ITFG1: variants seen among roughly 807,000 people sequenced by gnomAD.
The protein encoded by ITFG1 is integrin alpha FG-GAP repeat containing 1.
A neutral mutation model predicts 81.8 loss-of-function variants in ITFG1; 34 were observed. That is an observed-to-expected ratio of 0.42 (90% CI 0.32 to 0.55). ITFG1 has a LOEUF of 0.55. Ranked by LOEUF, ITFG1 falls within the 20% of genes least tolerant of loss-of-function variation. The pLI is 0.17. For missense variants in ITFG1, 672 were observed against 755.4 expected, an observed-to-expected ratio of 0.89 and a Z score of 1.29; for synonymous variants, 285 against 270.6, an observed-to-expected ratio of 1.05 and a Z score of -0.52.
In ITFG1 at chr16:47,460,929, G is replaced by A. The variant is rs758318640; in HGVS notation, c.117C>T (p.Ala39=). Residue 39 remains alanine (A), a synonymous_variant, in exon 1 of 18, where the codon GCC becomes GCT. Transcript: ENST00000320640. ...CCCAGGCCTCGGCCCCAAAGAGCTC[G>A]GCCGTGACGTTGTGCAGCGCCCGCG... is the stretch of plus-strand genomic sequence containing the variant. ...VPARALHNVT[A]ELFGAEAWGT... is the part of the protein sequence containing the mutation. The A allele has an allele frequency of 1.2e-6, 2 of 1,612,518 alleles. No homozygotes were observed. The highest frequency in any genetic ancestry group is 1.1e-5 in the South Asian group (1 of 90,900).
chr16:47,187,117 C>T (rs901396175), intron 14 of ITFG1, among the ~76,000 whole-genome samples: 1 of 152,010 alleles, frequency 6.6e-6, no homozygotes, highest in Admixed American at 6.6e-5. Context: ...AAAGAGGATA[C>T]AAACAAATGG....
At chr16:47,294,858 C>T (rs536003277) in intron 10 of ITFG1, among the ~76,000 whole-genome samples, 17 of 152,020 alleles carry the variant, frequency 1.1e-4, no homozygotes, top group African/African-American at 3.9e-4. Flanking sequence ...TCATATCTTT[C>T]TATTGTCTGA....
In ITFG1 at chr16:47,418,044, GA is replaced by G. The variant is rs200719472; in HGVS notation, c.655+10759del. ...TGCATCCTCAGCAGGATTTGTTTGAGATTTTTTTTTTGATCTTTTTGATGAC... is the reference window on the plus strand; with the variant it reads ...TGCATCCTCAGCAGGATTTGTTTGAGTTTTTTTTTTGATCTTTTTGATGAC... On this transcript the variant is annotated intron_variant, in intron 6 of 17. Coordinates refer to ENST00000320640, the MANE Select transcript of ITFG1 (RefSeq NM_030790.5). Among the ~76,000 whole-genome samples the G allele has an allele frequency of 3.7e-3, 563 of 152,114 alleles. 5 individuals are homozygous for G. Among genetic ancestry groups the G allele is most frequent in the African/African-American group, 0.013 (550 of 41,518 alleles).
At chr16:47,325,105 T>C (rs1448634710) in intron 8 of ITFG1, among the ~76,000 whole-genome samples, 2 of 152,184 alleles carry the variant, frequency 1.3e-5, no homozygotes, top group Non-Finnish European at 2.9e-5. Context: ...TCAGCAAATG[T>C]AGAAGAACAG....
chr16:47,199,864 T>A (rs528315509), intron 14 of ITFG1, among the ~76,000 whole-genome samples: 1 of 152,320 alleles, frequency 6.6e-6, no homozygotes, highest in East Asian at 1.9e-4. Context: ...CAGTGACAGA[T>A]CATCAGGCAT....
intron 13 of ITFG1, among the ~76,000 whole-genome samples, chr16:47,224,222 A>C (rs920197833): frequency 2.0e-5 from 3 of 152,350 alleles, no homozygotes; most frequent in East Asian, 1.9e-4. Flanking sequence ...ATAATAAATA[A>C]ATAAATAAAA....
chr16:47,404,172 A>C (rs1455868794), intron 6 of ITFG1, among the ~76,000 whole-genome samples: 3 of 152,152 alleles, frequency 2.0e-5, no homozygotes, highest in Non-Finnish European at 4.4e-5. Flanking sequence ...ACAACATGAA[A>C]AATCCTCAAG....
At chr16:47,457,188 G>C (rs1969464473) in intron 2 of ITFG1, among the ~76,000 whole-genome samples, 1 of 151,960 alleles carries the variant, frequency 6.6e-6, no homozygotes, top group African/African-American at 2.4e-5. Flanking sequence ...GCAGGCACCT[G>C]TAATCCCAGC....
intron 14 of ITFG1, among the ~76,000 whole-genome samples, chr16:47,170,898 C>T (rs1023785954): frequency 1.3e-5 from 2 of 151,600 alleles, no homozygotes; most frequent in Non-Finnish European, 2.9e-5. Context: ...CCACACCCAG[C>T]TAATTTTTGT....
At chr16:47,198,902 A>G (rs1011684558) in intron 14 of ITFG1, among the ~76,000 whole-genome samples, 2 of 152,224 alleles carry the variant, frequency 1.3e-5, no homozygotes, top group Non-Finnish European at 2.9e-5. Context: ...AAAACTAAAA[A>G]AATTAAAAGT....
intron 14 of ITFG1, among the ~76,000 whole-genome samples, chr16:47,171,679 C>T (rs1184444855): frequency 6.6e-6 from 1 of 151,906 alleles, no homozygotes; most frequent in Non-Finnish European, 1.5e-5. Context: ...CCATAAAGTC[C>T]CTCTGAGTAC....
At position 47,254,636 on chromosome 16, in the gene ITFG1, T is replaced by C. The variant is rs1966119156; in HGVS notation, c.1330+3996A>G. ...CAGAACTTTTAGTATAAAAGTAGTT[T>C]CAAGGCTTGAATAAAAGAACTTGCT... On this transcript the variant is annotated intron_variant, in intron 12 of 17. Transcript: ENST00000320640. 3.3e-5 allele frequency among the ~76,000 whole-genome samples: 5 copies of C among 152,318 alleles called. No homozygotes were observed. In the South Asian group the frequency reaches 1.0e-3, roughly 32 times the overall value.
chr16:47,328,674 CTTT>C (rs1967596166), intron 8 of ITFG1, among the ~76,000 whole-genome samples: 1 of 152,126 alleles, frequency 6.6e-6, no homozygotes, highest in East Asian at 1.9e-4. Flanking sequence ...GCTATTAATT[CTTT>C]TGTCTATTTA....
At chr16:47,434,376 A>G (rs1175460369) in intron 5 of ITFG1, among the ~76,000 whole-genome samples, 1 of 152,028 alleles carries the variant, frequency 6.6e-6, no homozygotes, top group Non-Finnish European at 1.5e-5. Flanking sequence ...AAAACCATTC[A>G]AAAGTGGGCA....
At chr16:47,359,052 G>A (rs1596927746) in intron 8 of ITFG1, among the ~76,000 whole-genome samples, 1 of 152,168 alleles carries the variant, frequency 6.6e-6, no homozygotes. Context: ...GGTGAGTCAT[G>A]AGGAATATCA....
At chr16:47,369,900 C>T (rs554718684) in intron 7 of ITFG1, among the ~76,000 whole-genome samples, 13 of 128,368 alleles carry the variant, frequency 1.0e-4, no homozygotes, top group Admixed American at 2.9e-4. Context: ...AGGGCAGTGG[C>T]GCGATCTTGG....
intron 6 of ITFG1, among the ~76,000 whole-genome samples, chr16:47,412,017 T>C (rs371686487): frequency 6.6e-6 from 1 of 152,194 alleles, no homozygotes; most frequent in East Asian, 1.9e-4. Flanking sequence ...TACAGAGCTT[T>C]GGACCTCAGA....
chr16:47,255,799 T>C (rs897017530), intron 12 of ITFG1, among the ~76,000 whole-genome samples: 1 of 152,156 alleles, frequency 6.6e-6, no homozygotes, highest in African/African-American at 2.4e-5. Flanking sequence ...GATGTTAATG[T>C]GAATGACACA....
At chr16:47,373,799 T>C (rs1015797567) in intron 7 of ITFG1, among the ~76,000 whole-genome samples, 1 of 152,228 alleles carries the variant, frequency 6.6e-6, no homozygotes, top group Non-Finnish European at 1.5e-5. Context: ...AGAAGATTTG[T>C]TGAGCTTTCA....
Sources: allele counts gnomAD v4.1 joint callset (sites outside exome capture counted in the v4.1 genomes callset), GRCh38; gene constraint gnomAD v4.1.1; transcripts MANE v1.5; gene names NCBI Gene and HGNC (gene_info 2026-07-23, HGNC 2026-07-21).